The following SPTBN2 variants were observed in gnomAD, a reference collection of about 807,000 sequenced individuals.
The protein encoded by SPTBN2 is spectrin beta, non-erythrocytic 2, also known as spectrin beta chain, non-erythrocytic 2.
SPTBN2 carries 107 observed loss-of-function variants against 284.2 expected under a neutral mutation model. The observed-to-expected ratio is 0.38, with a 90% confidence interval of 0.32 to 0.44. SPTBN2 has a LOEUF of 0.44. SPTBN2 is among the 20% of genes least tolerant of loss of function. SPTBN2 has a pLI of 1.00. For synonymous variants in SPTBN2, 1,289 were observed against 1,354.8 expected (o/e 0.95, Z 1.07); for missense variants, 2,569 against 3,287.1 (o/e 0.78, Z 5.34).
rs377750743 is a variant in SPTBN2, at chr11:66,694,177, C to T, written c.4465G>A (p.Glu1489Lys). 5.0e-6 allele frequency: 8 copies of T among 1,611,594 alleles called. No individual in the cohort carries two copies. In the Admixed American group the frequency reaches 8.3e-5, roughly 17 times the overall value. Reference protein sequence around the residue: ...ERCRRLQASREQHQFHRDVED... With the variant: ...ERCRRLQASRKQHQFHRDVED... ...ACATCGCGGTGGAACTGGTGCTGCT[C>T]GCGAGAAGCCTGCAGGCGCCGGCAG... The change falls in exon 22 of 38, where the codon GAG becomes AAG. Residue 1489 changes from glutamate to lysine, a missense_variant. By Grantham distance (56) the Glu-to-Lys change is moderately conservative. Transcript: ENST00000533211.
At chr11:66,717,619 C>T (rs1456732821) in intron 3 of SPTBN2, among the ~76,000 whole-genome samples, 2 of 152,200 alleles carry the variant, frequency 1.3e-5, no homozygotes, top group Admixed American at 6.5e-5. Context: ...GGTCTACAGG[C>T]CCCATCTGAG....
chr11:66,702,434 G>A (rs1941297124), intron 15 of SPTBN2, among the ~76,000 whole-genome samples: 2 of 152,116 alleles, frequency 1.3e-5, no homozygotes, highest in South Asian at 4.1e-4. Flanking sequence ...CAAAGTGCTG[G>A]GATTACAGGC....
Position 66,702,357 on chromosome 11 carries a change from G to A in SPTBN2, c.2679-636C>T, listed in dbSNP as rs149563288. 1.2e-3 allele frequency among the ~76,000 whole-genome samples: 176 copies of A among 152,226 alleles called. 1 individual carries two copies. Among genetic ancestry groups the A allele is most frequent in the African/African-American group, 4.1e-3 (170 of 41,570 alleles). On this transcript the variant is annotated intron_variant, in intron 15 of 37. Coordinates refer to ENST00000533211, the MANE Select transcript of SPTBN2 (RefSeq NM_006946.4). ...ATTTTTGTATTTTTGGTGGAGACGG[G>A]TGTTTCACTATCTTGGCCAGGCTGG...
At chr11:66,696,253 C>A (rs758807378) in intron 21 of SPTBN2, 24 bp downstream of exon 21, 22 of 1,607,910 alleles carry the variant, frequency 1.4e-5, no homozygotes, top group African/African-American at 4.0e-5. Context: ...TGTTCACCAT[C>A]CCCATCAAAG....
intron 1 of SPTBN2, among the ~76,000 whole-genome samples, chr11:66,726,406 T>C (rs1438933780): frequency 6.6e-6 from 1 of 152,232 alleles, no homozygotes. Flanking sequence ...GGAATGTGCA[T>C]TTCTAACCTG....
chr11:66,714,524 G>T, intron 5 of SPTBN2, 117 bp from the exon 6 acceptor site: 1 of 915,256 alleles, frequency 1.1e-6, no homozygotes, highest in Non-Finnish European at 1.8e-6. Context: ...GGGTGGACAG[G>T]CATAGCCTGA....
chr11:66,687,610 C>T lies in SPTBN2; in HGVS notation c.6539G>A (p.Gly2180Glu). ...GCCCCGAGTCCGGGTCTGCCTCTCT[C>T]CCCGGGGCCCATTGGCTTCGTCCCC... ...GSGDEANGPR[G>E]ERQTRTRGPA... Residue 2180 changes from glycine (G) to glutamate (E), a missense_variant, in exon 35 of 38, where the codon GGA (glycine) becomes GAA (glutamate). Transcript: ENST00000533211. This position sits in a 1 kb window ranked among gnomAD's most constrained non-coding sequence, Gnocchi z 5.2. 1.2e-6 allele frequency: 2 copies of T among 1,605,610 alleles called. No individual in the cohort carries two copies.
chr11:66,704,058 C>T (rs901388751), intron 15 of SPTBN2, among the ~76,000 whole-genome samples: 4 of 150,756 alleles, frequency 2.7e-5, no homozygotes, highest in Admixed American at 6.6e-5. Context: ...CTGCAAGCTC[C>T]GCCTCCCAGG....
At chr11:66,688,529 C>G (rs1378541439) in intron 31 of SPTBN2, 124 bp downstream of exon 31, 2 of 1,472,132 alleles carry the variant, frequency 1.4e-6, no homozygotes. Flanking sequence ...CAATGGCACT[C>G]TCAGCTCACA....
Position 66,704,583 on chromosome 11 carries a change from G to T in SPTBN2, c.2678+15C>A. ...CCTCCCAAGGCTGGTCCCACTAGGA[G>T]CCTGAGGGGCCTACCTCTGCTGCAC... On this transcript the variant is annotated intron_variant, in intron 15 of 37. Transcript: ENST00000533211. 1.9e-6 allele frequency: 3 copies of T among 1,608,310 alleles called. No individual in the cohort carries two copies. Among genetic ancestry groups the T allele is most frequent in the Non-Finnish European group, 2.5e-6 (3 of 1,177,956 alleles).
At chr11:66,719,160 A>G (rs1462616180) in intron 3 of SPTBN2, among the ~76,000 whole-genome samples, 1 of 152,246 alleles carries the variant, frequency 6.6e-6, no homozygotes, top group Non-Finnish European at 1.5e-5. Context: ...AAACGAGGAA[A>G]TCCTCAAAGA....
rs199961213 is a variant in SPTBN2, at chr11:66,694,179, C to A, written c.4463G>T (p.Arg1488Leu). ...RERCRRLQAS[R>L]EQHQFHRDVE... The stretch of plus-strand genomic sequence containing the variant: ...ATCGCGGTGGAACTGGTGCTGCTCG[C>A]GAGAAGCCTGCAGGCGCCGGCAGCG... Residue 1488 changes from arginine to leucine, a missense_variant, in exon 22 of 38, where the codon CGC becomes CTC. Arg to Leu is a moderately radical substitution (Grantham distance 102). Coordinates refer to ENST00000533211, the MANE Select transcript of SPTBN2 (RefSeq NM_006946.4). 1 of 1,611,986 alleles carries A rather than the reference C, an allele frequency of 6.2e-7. No individual in the cohort carries two copies. The highest frequency in any genetic ancestry group is 8.5e-7 in the Non-Finnish European group (1 of 1,180,028).
At chr11:66,725,119 C>T (rs1776432211) in intron 1 of SPTBN2, among the ~76,000 whole-genome samples, 1 of 152,206 alleles carries the variant, frequency 6.6e-6, no homozygotes, top group Admixed American at 6.5e-5. Context: ...TTGAAGCATG[C>T]ATGCTGTGTG....
At position 66,710,780 on chromosome 11, in the gene SPTBN2, G is replaced by A. The variant is rs1941818830; in HGVS notation, c.886-11C>T. 1 of 1,613,760 alleles carries A rather than the reference G, an allele frequency of 6.2e-7. No homozygotes were observed. Among genetic ancestry groups the A allele is most frequent in the African/African-American group, 1.3e-5 (1 of 75,066 alleles). Reference sequence around the variant, plus strand: ...GGCATGGTCCAGCACCTGGGAGGCAGAAGACAGGGACGTGACAGTCCCAGC... The same window carrying A: ...GGCATGGTCCAGCACCTGGGAGGCAAAAGACAGGGACGTGACAGTCCCAGC... On this transcript the variant is annotated splice_polypyrimidine_tract_variant and intron_variant, in intron 9 of 37. Transcript: ENST00000533211. This position sits in a 1 kb window ranked among gnomAD's most constrained non-coding sequence, Gnocchi z 4.9.
intron 1 of SPTBN2, chr11:66,728,414 C>T (rs1034707963): frequency 3.9e-4 from 58 of 149,990 alleles, no homozygotes; most frequent in African/African-American, 1.4e-3. Flanking sequence ...ACAATAGCCT[C>T]CCCCTGCCGC....
Position 66,689,191 on chromosome 11 carries a change from G to A in SPTBN2, c.5950-11C>T, listed in dbSNP as rs1243272609. ...CAGCTTCTCTGAGATCTGGGGGCGG[G>A]GGGCAGAGATATGAGTTAGCACCAG... On this transcript the variant is annotated splice_polypyrimidine_tract_variant and intron_variant, in intron 29 of 37. Coordinates refer to ENST00000533211, the MANE Select transcript of SPTBN2 (RefSeq NM_006946.4). The A allele has an allele frequency of 1.3e-6, 2 of 1,598,660 alleles. No homozygotes were observed. The highest frequency in any genetic ancestry group is 2.3e-5 in the South Asian group (2 of 88,790).
At position 66,708,391 on chromosome 11, in the gene SPTBN2, C is replaced by G. The variant is rs1941682613; in HGVS notation, c.1192-92G>C. ...ATGGTAAGTCCCATGGAAGCTCGGT[C>G]TGGTGGATCCGTGGAATGCAGTGGG... On this transcript the variant is annotated intron_variant, in intron 11 of 37. Transcript: ENST00000533211. The surrounding 1 kb of genome is among the most constrained non-coding windows in gnomAD (Gnocchi z 4.4). 2 of 1,312,622 alleles carry G rather than the reference C, an allele frequency of 1.5e-6. No homozygotes were observed. Among genetic ancestry groups the G allele is most frequent in the African/African-American group, 3.0e-5 (2 of 67,234 alleles). The allele number at this position is 1,312,622 out of a possible 1,614,324, so 81.3% of individuals were successfully genotyped here. A position where few individuals can be genotyped will look rare whatever the true frequency, so the allele number is the denominator to read the frequency against.
chr11:66,697,973 T>C (rs1458429694), intron 20 of SPTBN2, among the ~76,000 whole-genome samples: 1 of 152,230 alleles, frequency 6.6e-6, no homozygotes, highest in African/African-American at 2.4e-5. Flanking sequence ...TGTCTTTTCG[T>C]AGACCCTGCA....
chr11:66,683,222 T>C lies in SPTBN2; in HGVS notation c.*2649A>G, dbSNP rs957451532. On this transcript the variant is annotated 3_prime_UTR_variant, in exon 38 of 38. Transcript: ENST00000533211. ...AGCTGGGACTACAGGCGCCCGCCAC[T>C]ACGCCCGGCTAATTTTTGTATTTTT... 1.3e-5 allele frequency among the ~76,000 whole-genome samples: 2 copies of C among 151,476 alleles called. No homozygotes were observed. Among genetic ancestry groups the C allele is most frequent in the African/African-American group, 2.4e-5 (1 of 41,192 alleles).
Sources: allele counts gnomAD v4.1 joint callset (sites outside exome capture counted in the v4.1 genomes callset), GRCh38; gene constraint gnomAD v4.1.1; non-coding constraint Gnocchi (gnomAD v3.1); transcripts MANE v1.5; gene names NCBI Gene and HGNC (gene_info 2026-07-23, HGNC 2026-07-21).